RAD51B: variants seen among roughly 807,000 people sequenced by gnomAD.
RAD51B encodes DNA repair protein RAD51 homolog 2.
In RAD51B, 38 loss-of-function variants were observed where a neutral mutation model predicts 42.2. The ratio of observed to expected loss-of-function variants is 0.90; its 90% CI spans 0.70 to 1.18. RAD51B has a LOEUF of 1.18. RAD51B is among the 50% of genes most tolerant of loss of function. The probability of loss-of-function intolerance (pLI) is 0.00; values close to 1 mark genes in which losing one functional copy is unlikely to be tolerated. For synonymous variants in RAD51B, 154 were observed against 145.2 expected (o/e 1.06, Z -0.43); for missense variants, 373 against 400.7 (o/e 0.93, Z 0.59).
chr14:68,114,138 G>T (rs1291834466), intron 7 of RAD51B: 1 of 152,072 alleles, frequency 6.6e-6, no homozygotes, highest in Non-Finnish European at 1.5e-5. Flanking sequence ...CTGTGCCCTA[G>T]GAGTTGTGGT....
chr14:68,224,842 C>T (rs532392839), intron 7 of RAD51B, among the ~76,000 whole-genome samples: 23 of 152,008 alleles, frequency 1.5e-4, no homozygotes, highest in African/African-American at 2.2e-4. Flanking sequence ...TACAGGTGTC[C>T]GCTGCCACGC....
chr14:68,469,623 C>T (rs1483329701), intron 10 of RAD51B, among the ~76,000 whole-genome samples: 3 of 152,222 alleles, frequency 2.0e-5, no homozygotes, highest in African/African-American at 7.2e-5. Context: ...TACATACTCT[C>T]TACGGGTGTA....
rs1303465034 is a variant in RAD51B, at chr14:68,248,475, G to GA, written c.757-43399dup. On this transcript the variant is annotated intron_variant, in intron 7 of 10. Coordinates refer to ENST00000471583, the MANE Select transcript of RAD51B (RefSeq NM_133510.4). ...TGTGAAGGATCTTCATGTTTGGAAA[G>GA]AAAAAAAAAATGCAGTTTAGTGAAG... Among the ~76,000 whole-genome samples, 1,461 of 147,798 alleles carry GA rather than the reference G, an allele frequency of 9.9e-3. 23 individuals carry two copies. The highest frequency in any genetic ancestry group is 0.034 in the African/African-American group (1,369 of 40,314).
intron 7 of RAD51B, among the ~76,000 whole-genome samples, chr14:68,243,255 T>A (rs2080429700): frequency 6.6e-6 from 1 of 152,168 alleles, no homozygotes; most frequent in South Asian, 2.1e-4. Context: ...AGGGAAATAT[T>A]TTCAAGATTA....
In RAD51B at chr14:68,087,838, TATA is replaced by T. The variant is rs2077009147; in HGVS notation, c.756+200635_756+200637del. ...AAAATAATATTTTTAAATATTTAAT[TATA>T]TAATTATTATATATATAATTATATA... On this transcript the variant is annotated intron_variant, in intron 7 of 10. Transcript: ENST00000471583. Among the ~76,000 whole-genome samples, 4 of 132,414 alleles carry T rather than the reference TATA, an allele frequency of 3.0e-5. 1 individual carries two copies. Among genetic ancestry groups the T allele is most frequent in the African/African-American group, 8.9e-5 (3 of 33,718 alleles). The allele number at this position is 132,414 out of a possible 152,430, so 86.9% of individuals were successfully genotyped here.
chr14:68,114,665 G>T (rs1412922904), intron 7 of RAD51B, among the ~76,000 whole-genome samples: 1 of 152,090 alleles, frequency 6.6e-6, no homozygotes, highest in Non-Finnish European at 1.5e-5. Context: ...TGGGTTTAAT[G>T]TACAAATAGA....
Position 68,537,426 on chromosome 14 carries a change from G to C in RAD51B, c.1037-57059G>C, listed in dbSNP as rs552228187. Among the ~76,000 whole-genome samples the C allele has an allele frequency of 3.3e-5, 5 of 151,702 alleles. No individual in the cohort carries two copies. In the East Asian group the frequency reaches 9.7e-4, roughly 29 times the overall value. Reference sequence around the variant, plus strand: ...AGGCAGGAGAGTGGCATGAACCCAGGAGGTGGAGCTTGCAGTGAGCCGAGA... The same window carrying C: ...AGGCAGGAGAGTGGCATGAACCCAGCAGGTGGAGCTTGCAGTGAGCCGAGA... On this transcript the variant is annotated intron_variant, in intron 10 of 10. Coordinates refer to the RAD51B transcript ENST00000487270.
chr14:67,865,002 G>C lies in RAD51B; in HGVS notation c.316-1G>C, dbSNP rs751355274. 3.6e-5 allele frequency: 11 copies of C among 307,618 alleles called. No homozygotes were observed. The South Asian group carries it at 3.6e-4, about 10-fold the overall frequency. The allele number at this position is 307,618 out of a possible 1,614,324, so 19.1% of individuals were successfully genotyped here. A position where few individuals can be genotyped will look rare whatever the true frequency, so the allele number is the denominator to read the frequency against. ...TTTTTTTTTTTTTTTTTTTTTTTTA[G>C]ATTACAGGTCCACCAGGTTGTGGAA... On this transcript the variant is annotated splice_acceptor_variant, in intron 4 of 10. Coordinates refer to ENST00000471583, the MANE Select transcript of RAD51B (RefSeq NM_133510.4). LOFTEE classifies it high-confidence loss of function.
In RAD51B at chr14:68,375,480, C is replaced by G. The variant is rs2083349405; in HGVS notation, c.854-35944C>G. On this transcript the variant is annotated intron_variant, in intron 8 of 10. Transcript: ENST00000471583. ...CTCATGTCATTCTCCAATATGCTTT[C>G]TCAGGGCTACTTTCCCAGACCCTAT... 3.9e-5 allele frequency among the ~76,000 whole-genome samples: 6 copies of G among 152,310 alleles called. No individual in the cohort carries two copies. The South Asian group carries it at 1.2e-3, about 32-fold the overall frequency.
rs1361829538 is a variant in RAD51B at position 68,680,560 on chromosome 14, A to G, written c.*11+29704A>G. Among the ~76,000 whole-genome samples, 4 of 152,190 alleles carry G rather than the reference A, an allele frequency of 2.6e-5. No homozygotes were observed. The South Asian group carries it at 6.2e-4, about 24-fold the overall frequency. ...TTTACCAATCAGCTTTCACAAGCCA[A>G]TGCAAGCTTCAGCACACCACCGTCC... On this transcript the variant is annotated intron_variant, in intron 11 of 11. Coordinates refer to the RAD51B transcript ENST00000488612.
chr14:68,413,620 G>T (rs190162229), intron 9 of RAD51B, among the ~76,000 whole-genome samples: 1 of 152,270 alleles, frequency 6.6e-6, no homozygotes, highest in Non-Finnish European at 1.5e-5. Context: ...CTAGAATAAA[G>T]TTTGATATAG....
downstream of RAD51B, among the ~76,000 whole-genome samples, chr14:68,599,675 G>A (rs1891141857): frequency 6.6e-6 from 1 of 152,206 alleles, no homozygotes; most frequent in Non-Finnish European, 1.5e-5. Flanking sequence ...TGGCCACCCA[G>A]ATCAGGAAAT....
intron 8 of RAD51B, among the ~76,000 whole-genome samples, chr14:68,336,680 G>T (rs2082461405): frequency 6.6e-6 from 1 of 152,146 alleles, no homozygotes; most frequent in African/African-American, 2.4e-5. Flanking sequence ...TGCCACCAAT[G>T]CATCTATTAA....
intron 10 of RAD51B, chr14:68,540,166 C>CTGTTTT: frequency 1.7e-6 from 1 of 586,422 alleles, no homozygotes; most frequent in Non-Finnish European, 2.0e-6. Context: ...TACCCTGCTC[C>CTGTTTT]TTTTTTTTTT....
intron 10 of RAD51B, among the ~76,000 whole-genome samples, chr14:68,492,323 A>G (rs1884143155): frequency 6.6e-6 from 1 of 152,210 alleles, no homozygotes; most frequent in South Asian, 2.1e-4. Flanking sequence ...TTTACCCTTC[A>G]TTCTGTGTCT....
At chr14:68,407,934 A>G (rs1413014557) in intron 8 of RAD51B, among the ~76,000 whole-genome samples, 1 of 152,178 alleles carries the variant, frequency 6.6e-6, no homozygotes, top group Non-Finnish European at 1.5e-5. Flanking sequence ...GAATTCTCTG[A>G]AGACACTTGG....
chr14:67,983,942 T>G (rs747461865), intron 7 of RAD51B, among the ~76,000 whole-genome samples: 1 of 151,880 alleles, frequency 6.6e-6, no homozygotes, highest in Non-Finnish European at 1.5e-5. Flanking sequence ...TTTTTTTTCT[T>G]TCTTTCTTTT....
chr14:68,458,652 C>A (rs917222502), intron 9 of RAD51B, among the ~76,000 whole-genome samples: 5 of 150,100 alleles, frequency 3.3e-5, no homozygotes, highest in Admixed American at 6.6e-5. Context: ...GAGACTCTTC[C>A]CAGAGACTAC....
chr14:68,090,551 G>T lies in RAD51B; in HGVS notation c.757-201333G>T, dbSNP rs1451962263. Among the ~76,000 whole-genome samples, 5 of 152,054 alleles carry T rather than the reference G, an allele frequency of 3.3e-5. No individual in the cohort carries two copies. The East Asian group carries it at 9.7e-4, about 29-fold the overall frequency. On this transcript the variant is annotated intron_variant, in intron 7 of 10. Transcript: ENST00000471583. The stretch of plus-strand genomic sequence containing the variant: ...GATTCTATAGTAAAATAATGTACAG[G>T]TGCAAATGTGTGATGTTATTTTTGG...
Sources: allele counts gnomAD v4.1 joint callset (sites outside exome capture counted in the v4.1 genomes callset), GRCh38; gene constraint gnomAD v4.1.1; transcripts MANE v1.5; gene names NCBI Gene and HGNC (gene_info 2026-07-23, HGNC 2026-07-21).